The following LRRTM3 variants were observed in gnomAD, a reference collection of about 807,000 sequenced individuals.
The protein encoded by LRRTM3 is leucine-rich repeat transmembrane neuronal protein 3.
In LRRTM3, 24 loss-of-function variants were observed where a neutral mutation model predicts 44.7. The observed-to-expected ratio is 0.54, with a 90% CI of 0.39 to 0.76. LRRTM3 has a LOEUF of 0.76. LRRTM3 is among the 30% of genes least tolerant of loss of function. LRRTM3 has a pLI of 0.00. For missense variants in LRRTM3, 587 were observed against 702.2 expected (o/e 0.84, Z 1.85); for synonymous variants, 277 against 278.7 (o/e 0.99, Z 0.06).
intron 2 of LRRTM3, among the ~76,000 whole-genome samples, chr10:66,929,695 T>C (rs1297568054): frequency 6.6e-6 from 1 of 152,220 alleles, no homozygotes; most frequent in African/African-American, 2.4e-5. Flanking sequence ...CGTTCATCTG[T>C]ATTGTGAACT....
chr10:66,962,969 T>C (rs1052212333), intron 2 of LRRTM3, among the ~76,000 whole-genome samples: 2 of 145,680 alleles, frequency 1.4e-5, no homozygotes, highest in African/African-American at 5.2e-5. Flanking sequence ...CAATAAGTAG[T>C]TGTTGACTGA....
chr10:66,938,112 C>G (rs1847812590), intron 2 of LRRTM3, among the ~76,000 whole-genome samples: 1 of 152,158 alleles, frequency 6.6e-6, no homozygotes, highest in South Asian at 2.1e-4. Context: ...AACATTTCAA[C>G]TCTATGGAAA....
chr10:67,051,463 CTTTT>C (rs11334360), intron 2 of LRRTM3, among the ~76,000 whole-genome samples: 1 of 129,766 alleles, frequency 7.7e-6, no homozygotes. Flanking sequence ...TTTCTTTTTT[CTTTT>C]TTTTTTTTTG....
chr10:66,963,940 TCAAG>T (rs1360343541), intron 2 of LRRTM3, among the ~76,000 whole-genome samples: 1 of 151,786 alleles, frequency 6.6e-6, no homozygotes, highest in East Asian at 1.9e-4. Flanking sequence ...ACTCCCTGGT[TCAAG>T]CAAGCAATTC....
chr10:66,982,588 CAGT>C (rs1339677877), intron 2 of LRRTM3, among the ~76,000 whole-genome samples: 1 of 151,986 alleles, frequency 6.6e-6, no homozygotes, highest in African/African-American at 2.4e-5. Flanking sequence ...AAGAATAAAA[CAGT>C]AGGTACTGAA....
chr10:67,029,946 C>A (rs2133105625), intron 2 of LRRTM3, among the ~76,000 whole-genome samples: 1 of 152,352 alleles, frequency 6.6e-6, no homozygotes, highest in Admixed American at 6.5e-5. Flanking sequence ...TTCTGTCAGA[C>A]AACACTGACC....
At chr10:66,987,012 CAAG>C (rs1452692533) in intron 2 of LRRTM3, among the ~76,000 whole-genome samples, 1 of 151,932 alleles carries the variant, frequency 6.6e-6, no homozygotes, top group African/African-American at 2.4e-5. Context: ...CTGAAAGAAG[CAAG>C]AAGAAGAAAC....
rs185941443 is a variant in LRRTM3, at chr10:66,974,465, C to T, written c.1536+46013C>T. Among the ~76,000 whole-genome samples the T allele has an allele frequency of 3.3e-5, 5 of 152,306 alleles. No homozygotes were observed. In the East Asian group the frequency reaches 9.6e-4, roughly 29 times the overall value. ...CTATTGTGAATTAAGCTGCTGTAAACATTTATATACAAGTCATTCGCCAGC... is the reference window on the plus strand; with the variant it reads ...CTATTGTGAATTAAGCTGCTGTAAATATTTATATACAAGTCATTCGCCAGC... On this transcript the variant is annotated intron_variant, in intron 2 of 2. Coordinates refer to ENST00000361320, the MANE Select transcript of LRRTM3 (RefSeq NM_178011.5).
In LRRTM3 at chr10:67,089,454, C is replaced by G. The variant is rs149313192; in HGVS notation, c.1537-8133C>G. On this transcript the variant is annotated intron_variant, in intron 2 of 2. Coordinates refer to ENST00000361320, the MANE Select transcript of LRRTM3 (RefSeq NM_178011.5). ...GCCTGTTGTACTCACACCAATTAAC[C>G]ATTGGAATGCTAAAGAGTTCTAGGA... 7.9e-4 allele frequency among the ~76,000 whole-genome samples: 120 copies of G among 151,904 alleles called. No individual in the cohort carries two copies. In the East Asian group the frequency reaches 0.021, roughly 27 times the overall value.
intron 2 of LRRTM3, among the ~76,000 whole-genome samples, chr10:67,063,597 T>C (rs1855892464): frequency 6.6e-6 from 1 of 152,222 alleles, no homozygotes; most frequent in Non-Finnish European, 1.5e-5. Context: ...AGTGAATATC[T>C]GCCTTAGTTT....
intron 2 of LRRTM3, among the ~76,000 whole-genome samples, chr10:67,074,499 C>T (rs1030896309): frequency 3.0e-4 from 45 of 151,686 alleles, no homozygotes; most frequent in Admixed American, 2.6e-4. Flanking sequence ...TACAGGCGCC[C>T]ACCACCACGC....
chr10:67,059,331 G>T (rs1033670347), intron 2 of LRRTM3, among the ~76,000 whole-genome samples: 4 of 152,090 alleles, frequency 2.6e-5, no homozygotes, highest in Non-Finnish European at 4.4e-5. Context: ...TTCTATTTCA[G>T]CAGAGAAAAA....
intron 2 of LRRTM3, among the ~76,000 whole-genome samples, chr10:66,944,887 A>C (rs1589464853): frequency 6.6e-6 from 1 of 152,140 alleles, no homozygotes; most frequent in Non-Finnish European, 1.5e-5. Flanking sequence ...CTTTGAAAGG[A>C]ATCTTTTTTT....
chr10:67,009,072 C>T (rs1852174946), intron 2 of LRRTM3, among the ~76,000 whole-genome samples: 1 of 152,164 alleles, frequency 6.6e-6, no homozygotes, highest in South Asian at 2.1e-4. Context: ...TTTCTCTCTT[C>T]CATGTGACTT....
chr10:67,031,055 T>C (rs2133109578), intron 2 of LRRTM3, among the ~76,000 whole-genome samples: 1 of 152,308 alleles, frequency 6.6e-6, no homozygotes, highest in African/African-American at 2.4e-5. Context: ...ACACAGCCTC[T>C]GAACACACAT....
chr10:66,981,281 A>C (rs1467997552), intron 2 of LRRTM3, among the ~76,000 whole-genome samples: 3 of 152,224 alleles, frequency 2.0e-5, no homozygotes, highest in Non-Finnish European at 4.4e-5. Flanking sequence ...GAATGATTAC[A>C]TTTATAGCTG....
rs1847113866 is a variant in LRRTM3 at position 66,926,901 on chromosome 10, T to TAGAA, written c.5-19_5-18insGAAA. On this transcript the variant is annotated intron_variant, in intron 1 of 2. Transcript: ENST00000361320. The stretch of plus-strand genomic sequence containing the variant: ...TTCTTTTTTGGGGGGATAACTTTTC[T>TAGAA]AAGTTGTTTTTATTTCCAGGTTTCA... 1.3e-6 allele frequency: 2 copies of TAGAA among 1,540,564 alleles called. No individual in the cohort carries two copies. Among genetic ancestry groups the TAGAA allele is most frequent in the African/African-American group, 2.8e-5 (2 of 71,996 alleles).
chr10:67,007,002 G>A (rs748153234), intron 2 of LRRTM3, among the ~76,000 whole-genome samples: 2 of 151,996 alleles, frequency 1.3e-5, no homozygotes, highest in Non-Finnish European at 2.9e-5. Flanking sequence ...CACCATGTTG[G>A]CCAGGCTGTT....
Position 66,950,909 on chromosome 10 carries a change from G to A in LRRTM3, c.1536+22457G>A, listed in dbSNP as rs117468999. On this transcript the variant is annotated intron_variant, in intron 2 of 2. Transcript: ENST00000361320. ...AATTGAGGTGTAATCACATGAGACA[G>A]AATTTGAATTCTGATCTGTCGGATT... is the stretch of plus-strand genomic sequence containing the variant. Among the ~76,000 whole-genome samples, 245 of 152,250 alleles carry A rather than the reference G, an allele frequency of 1.6e-3. 1 individual carries two copies. The highest frequency in any genetic ancestry group is 0.01 in the Middle Eastern group (3 of 294).
Sources: allele counts gnomAD v4.1 joint callset (sites outside exome capture counted in the v4.1 genomes callset), GRCh38; gene constraint gnomAD v4.1.1; transcripts MANE v1.5; gene names NCBI Gene and HGNC (gene_info 2026-07-23, HGNC 2026-07-21).